Variants in TMEM200A observed in about 807,000 individuals in gnomAD.
TMEM200A encodes the protein two transmembrane C.
A neutral mutation model predicts 24.3 loss-of-function variants in TMEM200A; 12 were observed. That is an observed-to-expected ratio of 0.49 (90% CI 0.32 to 0.80). The LOEUF (loss-of-function observed/expected upper bound fraction) is 0.80, where lower values mean the gene tolerates loss of function less well. Ranked by LOEUF, TMEM200A falls within the 30% of genes least tolerant of loss-of-function variation. TMEM200A has a pLI of 0.04. For missense variants in TMEM200A, 545 were observed against 614.4 expected, an observed-to-expected ratio of 0.89 and a Z score of 1.19; for synonymous variants, 224 against 224.4, an observed-to-expected ratio of 1.00 and a Z score of 0.02.
chr6:130,434,200 T>G (rs755876394), intron 2 of TMEM200A, among the ~76,000 whole-genome samples: 1 of 152,196 alleles, frequency 6.6e-6, no homozygotes, highest in Non-Finnish European at 1.5e-5. Context: ...GCATTTAGTA[T>G]ATGCCAGGCA....
intron 2 of TMEM200A, among the ~76,000 whole-genome samples, chr6:130,396,842 A>G (rs1298338365): frequency 6.6e-6 from 1 of 152,172 alleles, no homozygotes; most frequent in African/African-American, 2.4e-5. Context: ...AAATAAAATG[A>G]GAGTCCAGAA....
intron 2 of TMEM200A, among the ~76,000 whole-genome samples, chr6:130,393,206 C>T (rs1377150969): frequency 2.0e-5 from 3 of 152,038 alleles, no homozygotes; most frequent in Non-Finnish European, 2.9e-5. Context: ...GTAAGTTAAT[C>T]GGCAGTAGGT....
At chr6:130,423,155 G>A (rs984407431) in intron 2 of TMEM200A, among the ~76,000 whole-genome samples, 2 of 152,164 alleles carry the variant, frequency 1.3e-5, no homozygotes, top group African/African-American at 4.8e-5. Context: ...CACGGAGTGA[G>A]CTCTTTTTCG....
At chr6:130,368,895 C>T (rs993850050) in intron 1 of TMEM200A, among the ~76,000 whole-genome samples, 21 of 152,272 alleles carry the variant, frequency 1.4e-4, no homozygotes, top group African/African-American at 4.6e-4. Context: ...CTCCTTGGTG[C>T]CCTTATCTGC....
At position 130,366,264 on chromosome 6, in the gene TMEM200A, C is replaced by A. The variant is rs1778141825; in HGVS notation, c.-341C>A. ...CCCCCCCGGCGCGGGCATAGGGGCGCCCCCACCCTCCGTCCGCTTGCACCC... is the reference window on the plus strand; with the variant it reads ...CCCCCCCGGCGCGGGCATAGGGGCGACCCCACCCTCCGTCCGCTTGCACCC... On this transcript the variant is annotated 5_prime_UTR_variant, in exon 1 of 3. Transcript: ENST00000296978. This position sits in a 1 kb window ranked among gnomAD's most constrained non-coding sequence, Gnocchi z 4.4. 1 of 985,178 alleles carries A rather than the reference C, an allele frequency of 1.0e-6. No homozygotes were observed. Among genetic ancestry groups the A allele is most frequent in the South Asian group, 4.7e-5 (1 of 21,288 alleles). 61.0% of individuals were successfully genotyped at this position (985,178 alleles called of 1,614,324 possible).
chr6:130,379,719 G>A (rs1361420113), intron 1 of TMEM200A, among the ~76,000 whole-genome samples: 1 of 152,202 alleles, frequency 6.6e-6, no homozygotes, highest in Non-Finnish European at 1.5e-5. Flanking sequence ...TGAGATGCCT[G>A]TGAGACATCT....
At chr6:130,393,822 G>T (rs987656583) in intron 2 of TMEM200A, among the ~76,000 whole-genome samples, 1 of 152,118 alleles carries the variant, frequency 6.6e-6, no homozygotes, top group Non-Finnish European at 1.5e-5. Flanking sequence ...AAGAAATCCT[G>T]ATCCAGGAAA....
At chr6:130,419,534 C>G (rs1305730519) in intron 2 of TMEM200A, among the ~76,000 whole-genome samples, 1 of 152,114 alleles carries the variant, frequency 6.6e-6, no homozygotes. Flanking sequence ...TACATTCTTA[C>G]TGACAGTGTA....
intron 2 of TMEM200A, among the ~76,000 whole-genome samples, chr6:130,407,103 C>T (rs369021808): frequency 7.2e-5 from 11 of 151,936 alleles, no homozygotes; most frequent in Admixed American, 4.6e-4. Flanking sequence ...ATGTGAAAGG[C>T]GCTTGGAATT....
chr6:130,397,757 A>G (rs564127304), intron 2 of TMEM200A, among the ~76,000 whole-genome samples: 1 of 151,420 alleles, frequency 6.6e-6, no homozygotes, highest in East Asian at 1.9e-4. Flanking sequence ...CAGGCTTTTT[A>G]TATGTTTATT....
chr6:130,365,914 C>T, upstream of TMEM200A: 1 of 985,608 alleles, frequency 1.0e-6, no homozygotes, highest in Non-Finnish European at 1.2e-6. Flanking sequence ...TGGCACGGTC[C>T]GGGGTCGCAG....
At chr6:130,438,078 A>T (rs530215189) in intron 2 of TMEM200A, 1 of 152,322 alleles carries the variant, frequency 6.6e-6, no homozygotes, top group East Asian at 1.9e-4. Context: ...TATCTAATCT[A>T]AGCATTTAAT....
intron 2 of TMEM200A, among the ~76,000 whole-genome samples, chr6:130,403,573 A>G (rs1158522350): frequency 1.3e-5 from 1 of 79,418 alleles, no homozygotes; most frequent in Admixed American, 1.2e-4. Context: ...TTTACAGTGA[A>G]AAAAGCCTGG....
At chr6:130,416,401 C>A (rs542890588) in intron 2 of TMEM200A, among the ~76,000 whole-genome samples, 7 of 151,962 alleles carry the variant, frequency 4.6e-5, no homozygotes, top group African/African-American at 1.7e-4. Flanking sequence ...ATGTAAGAAC[C>A]AATAACATAT....
At chr6:130,370,510 T>C (rs1778294999) in intron 1 of TMEM200A, among the ~76,000 whole-genome samples, 1 of 152,112 alleles carries the variant, frequency 6.6e-6, no homozygotes, top group Non-Finnish European at 1.5e-5. Context: ...AAAACAATAG[T>C]CTATTATTGG....
chr6:130,433,401 G>A (rs1050595570), intron 2 of TMEM200A, among the ~76,000 whole-genome samples: 7 of 152,062 alleles, frequency 4.6e-5, no homozygotes, highest in Non-Finnish European at 7.4e-5. Context: ...GCCTCCCAAA[G>A]TTTTGGGATT....
At chr6:130,397,339 T>C (rs1430338731) in intron 2 of TMEM200A, among the ~76,000 whole-genome samples, 4 of 152,156 alleles carry the variant, frequency 2.6e-5, no homozygotes, top group Non-Finnish European at 5.9e-5. Flanking sequence ...TGTACCAATT[T>C]GTATCTCCAT....
intron 2 of TMEM200A, among the ~76,000 whole-genome samples, chr6:130,412,463 T>TAA (rs1554283029): frequency 9.9e-5 from 15 of 152,232 alleles, no homozygotes; most frequent in Non-Finnish European, 2.9e-5. Context: ...TCTCAGATTC[T>TAA]AACACCTTGT....
intron 2 of TMEM200A, among the ~76,000 whole-genome samples, chr6:130,430,500 C>G (rs1209625741): frequency 6.6e-6 from 1 of 152,236 alleles, no homozygotes; most frequent in Non-Finnish European, 1.5e-5. Context: ...CTAACCTGCA[C>G]AAGTAGGAGA....
Sources: allele counts gnomAD v4.1 joint callset (sites outside exome capture counted in the v4.1 genomes callset), GRCh38; gene constraint gnomAD v4.1.1; non-coding constraint Gnocchi (gnomAD v3.1); transcripts MANE v1.5; gene names NCBI Gene and HGNC (gene_info 2026-07-23, HGNC 2026-07-21).